MACROD2: variants seen among roughly 807,000 people sequenced by gnomAD.
MACROD2 encodes the protein ADP-ribose glycohydrolase MACROD2.
Under a neutral mutation model 70.4 loss-of-function variants are expected in MACROD2, and 36 were observed. The ratio of observed to expected loss-of-function variants is 0.51; its 90% confidence interval spans 0.39 to 0.68. MACROD2 has a LOEUF of 0.68. Ranked by LOEUF, MACROD2 falls within the 30% of genes least tolerant of loss-of-function variation. The probability of loss-of-function intolerance (pLI) is 0.00; values close to 1 mark genes in which losing one functional copy is unlikely to be tolerated. For missense variants in MACROD2, 496 were observed against 538.4 expected, an observed-to-expected ratio of 0.92 and a Z score of 0.78; for synonymous variants, 172 against 178.8, an observed-to-expected ratio of 0.96 and a Z score of 0.30.
chr20:14,354,707 G>A (rs935013971), intron 3 of MACROD2, among the ~76,000 whole-genome samples: 5 of 152,090 alleles, frequency 3.3e-5, no homozygotes, highest in African/African-American at 1.2e-4. Flanking sequence ...TTATCACATA[G>A]GCCCTGAGCA....
chr20:15,715,314 T>C (rs1198624500), intron 8 of MACROD2, among the ~76,000 whole-genome samples: 1 of 152,150 alleles, frequency 6.6e-6, no homozygotes, highest in East Asian at 1.9e-4. Context: ...AACGTGTATT[T>C]CCAAGGTCAG....
intron 3 of MACROD2, among the ~76,000 whole-genome samples, chr20:14,314,663 G>C (rs1395014406): frequency 1.3e-5 from 2 of 152,132 alleles, no homozygotes; most frequent in Admixed American, 1.3e-4. Flanking sequence ...GGGAGGCTGA[G>C]GCAGGAGAAT....
intron 8 of MACROD2, among the ~76,000 whole-genome samples, chr20:15,593,855 C>CTG (rs1167295617): frequency 6.6e-6 from 1 of 152,202 alleles, no homozygotes; most frequent in African/African-American, 2.4e-5. Flanking sequence ...TAAGAGGCAT[C>CTG]TGGCATCTTT....
intron 6 of MACROD2, among the ~76,000 whole-genome samples, chr20:15,294,255 G>T (rs550018997): frequency 1.3e-5 from 2 of 152,094 alleles, no homozygotes. Flanking sequence ...AAGCTGATGG[G>T]ATGGGACATC....
intron 3 of MACROD2, among the ~76,000 whole-genome samples, chr20:14,446,788 G>A (rs2084187509): frequency 6.6e-6 from 1 of 151,810 alleles, no homozygotes; most frequent in African/African-American, 2.4e-5. Flanking sequence ...CAAGTGATAT[G>A]GTAATTAAAA....
chr20:15,806,730 G>A (rs2063772760), intron 8 of MACROD2, among the ~76,000 whole-genome samples: 1 of 152,062 alleles, frequency 6.6e-6, no homozygotes, highest in South Asian at 2.1e-4. Flanking sequence ...TGGGCATTCA[G>A]CCTTAAAATG....
In MACROD2 at chr20:14,900,354, C is replaced by T. The variant is rs796908193; in HGVS notation, c.418+215395C>T. On this transcript the variant is annotated intron_variant, in intron 5 of 17. Transcript: ENST00000684519. ...ATGAGCTCGGAAGTGTTTCTTCGTA[C>T]TCTTTATTAGAAGAATGTGAGGATT... Among the ~76,000 whole-genome samples the T allele has an allele frequency of 7.2e-5, 11 of 152,150 alleles. 1 individual carries two copies. The highest frequency in any genetic ancestry group is 2.6e-4 in the African/African-American group (11 of 41,540).
intron 6 of MACROD2, among the ~76,000 whole-genome samples, chr20:15,407,484 G>A (rs2046019253): frequency 6.6e-6 from 1 of 152,190 alleles, no homozygotes; most frequent in Non-Finnish European, 1.5e-5. Context: ...TCAATGTCTG[G>A]TTTTGGGGAT....
intron 3 of MACROD2, among the ~76,000 whole-genome samples, chr20:14,459,197 A>G (rs2084338869): frequency 6.6e-6 from 1 of 151,990 alleles, no homozygotes; most frequent in African/African-American, 2.4e-5. Flanking sequence ...GTTTTAAAAT[A>G]TATTCGTTTG....
chr20:14,658,252 T>C lies in MACROD2; in HGVS notation c.302-26591T>C, dbSNP rs764334078. 4.3e-4 allele frequency among the ~76,000 whole-genome samples: 65 copies of C among 152,226 alleles called. 1 individual carries two copies. The highest frequency in any genetic ancestry group is 7.9e-4 in the Non-Finnish European group (54 of 68,048). On this transcript the variant is annotated intron_variant, in intron 4 of 17. Transcript: ENST00000684519. Reference sequence around the variant, plus strand: ...TTCATGCCCTGATTAATTATTCTTTTCTTCCAAGTTATACTCATTTTGGAA... The same window carrying C: ...TTCATGCCCTGATTAATTATTCTTTCCTTCCAAGTTATACTCATTTTGGAA...
intron 13 of MACROD2, among the ~76,000 whole-genome samples, chr20:15,973,676 G>A (rs963016965): frequency 6.6e-6 from 1 of 152,050 alleles, no homozygotes; most frequent in Non-Finnish European, 1.5e-5. Context: ...AAGTGTAAAA[G>A]CCACTCAGAT....
intron 15 of MACROD2, among the ~76,000 whole-genome samples, chr20:15,999,011 T>G (rs2066672461): frequency 6.6e-6 from 1 of 152,152 alleles, no homozygotes; most frequent in Non-Finnish European, 1.5e-5. Context: ...GAGATTTCAG[T>G]CCTAAATTTT....
At chr20:14,365,987 T>A (rs1048206771) in intron 3 of MACROD2, among the ~76,000 whole-genome samples, 3 of 152,198 alleles carry the variant, frequency 2.0e-5, no homozygotes, top group Non-Finnish European at 2.9e-5. Flanking sequence ...TTCAATTTTT[T>A]AAAATTTATC....
chr20:15,584,711 C>T (rs1455600746), intron 8 of MACROD2, among the ~76,000 whole-genome samples: 3 of 152,162 alleles, frequency 2.0e-5, no homozygotes, highest in African/African-American at 7.2e-5. Flanking sequence ...GTACCCATGC[C>T]GGGGCTGGTT....
At chr20:15,297,109 T>G (rs981338002) in intron 6 of MACROD2, among the ~76,000 whole-genome samples, 1 of 152,212 alleles carries the variant, frequency 6.6e-6, no homozygotes, top group African/African-American at 2.4e-5. Context: ...TTTCGTCCTC[T>G]GCTGCCTCTT....
intron 3 of MACROD2, among the ~76,000 whole-genome samples, chr20:14,118,098 C>G (rs550781006): frequency 6.6e-6 from 1 of 152,066 alleles, no homozygotes; most frequent in Non-Finnish European, 1.5e-5. Context: ...TTTAAGCTGT[C>G]GAGTTTGTGG....
intron 5 of MACROD2, among the ~76,000 whole-genome samples, chr20:15,115,004 C>T (rs2075981967): frequency 6.6e-6 from 1 of 152,166 alleles, no homozygotes; most frequent in Non-Finnish European, 1.5e-5. Flanking sequence ...GCTACCAATT[C>T]TCCTAGAGAG....
intron 8 of MACROD2, among the ~76,000 whole-genome samples, chr20:15,555,828 CAAAAAAAAAAAAAAAAA>C (rs397838341): frequency 5.4e-5 from 1 of 18,566 alleles, no homozygotes; most frequent in Non-Finnish European, 1.0e-4. Context: ...GACTCCATCT[CAAAAAAAAAAAAAAAAA>C]AAAAAAAAAG....
chr20:14,979,674 G>T (rs1040855202), intron 5 of MACROD2, among the ~76,000 whole-genome samples: 4 of 152,166 alleles, frequency 2.6e-5, no homozygotes, highest in African/African-American at 9.7e-5. Flanking sequence ...TTTACCAAAT[G>T]CCAATCTGCG....
Sources: allele counts gnomAD v4.1 joint callset (sites outside exome capture counted in the v4.1 genomes callset), GRCh38; gene constraint gnomAD v4.1.1; transcripts MANE v1.5; gene names NCBI Gene and HGNC (gene_info 2026-07-23, HGNC 2026-07-21).